The following FHL2 variants were observed in gnomAD, a reference collection of about 807,000 sequenced individuals.
FHL2 encodes four and a half LIM domains 2.
In FHL2, 20 loss-of-function variants were observed where a neutral mutation model predicts 32.7. The observed-to-expected ratio is 0.61, with a 90% CI of 0.43 to 0.89. The LOEUF (loss-of-function observed/expected upper bound fraction) is 0.89. FHL2 is among the 40% of genes least tolerant of loss of function. FHL2 has a pLI of 0.00. For missense variants in FHL2, 311 were observed against 358.6 expected (o/e 0.87, Z 1.07); for synonymous variants, 123 against 128.1 (o/e 0.96, Z 0.27).
At chr2:105,435,832 T>C (rs1384187393) in intron 1 of FHL2, among the ~76,000 whole-genome samples, 1 of 152,018 alleles carries the variant, frequency 6.6e-6, no homozygotes, top group African/African-American at 2.4e-5. Context: ...AAAACATAAA[T>C]AAATAAATAA....
chr2:105,372,604 C>T (rs922887027), intron 4 of FHL2, among the ~76,000 whole-genome samples: 2 of 152,122 alleles, frequency 1.3e-5, no homozygotes, highest in African/African-American at 4.8e-5. Flanking sequence ...AGCAAACCAA[C>T]ATGATGAAAC....
chr2:105,366,393 A>C (rs1271017575), intron 5 of FHL2, among the ~76,000 whole-genome samples: 1 of 152,188 alleles, frequency 6.6e-6, no homozygotes, highest in Non-Finnish European at 1.5e-5. Flanking sequence ...CAAGGGCAAA[A>C]CAGCAGAAGC....
chr2:105,379,969 G>T (rs1681759376), intron 3 of FHL2, among the ~76,000 whole-genome samples: 2 of 152,196 alleles, frequency 1.3e-5, no homozygotes, highest in African/African-American at 4.8e-5. Flanking sequence ...GGGTTTCCCT[G>T]TCACTCTCTG....
chr2:105,414,592 G>GC (rs1399301040), intron 1 of FHL2, among the ~76,000 whole-genome samples: 2 of 152,134 alleles, frequency 1.3e-5, no homozygotes, highest in Non-Finnish European at 2.9e-5. Context: ...TCGCTCTGTC[G>GC]CCCAGGCTGG....
chr2:105,399,364 G>C, upstream of FHL2: 2 of 1,535,974 alleles, frequency 1.3e-6, no homozygotes, highest in Non-Finnish European at 1.7e-6. Flanking sequence ...TGCCCACGCC[G>C]GGATCTCTGC....
intron 3 of FHL2, among the ~76,000 whole-genome samples, chr2:105,380,907 T>C (rs954910685): frequency 6.6e-6 from 1 of 152,228 alleles, no homozygotes; most frequent in Admixed American, 6.5e-5. Context: ...ACACACTTCC[T>C]TTCTGGTTTT....
intron 3 of FHL2, chr2:105,378,395 CCG>C (rs1681635077): frequency 2.9e-6 from 1 of 348,800 alleles, no homozygotes; most frequent in African/African-American, 2.2e-5. Context: ...AAGGTGAAGG[CCG>C]CATTCTCTCA....
At chr2:105,405,783 G>T (rs1369326682) in intron 1 of FHL2, among the ~76,000 whole-genome samples, 1 of 152,238 alleles carries the variant, frequency 6.6e-6, no homozygotes, top group African/African-American at 2.4e-5. Flanking sequence ...TAGGAGGCAG[G>T]GGGTGAACCC....
At chr2:105,385,468 C>A (rs185303509) in intron 3 of FHL2, among the ~76,000 whole-genome samples, 1 of 152,298 alleles carries the variant, frequency 6.6e-6, no homozygotes, top group African/African-American at 2.4e-5. Flanking sequence ...GAGCACAAAG[C>A]AACGAGAGCA....
intron 3 of FHL2, chr2:105,377,636 A>C (rs1681569269): frequency 1.2e-5 from 2 of 168,232 alleles, no homozygotes; most frequent in Non-Finnish European, 2.6e-5. Flanking sequence ...AACTGTCTCC[A>C]AAAGAAAAAA....
At chr2:105,419,882 G>A (rs1684047445) in intron 1 of FHL2, among the ~76,000 whole-genome samples, 1 of 152,130 alleles carries the variant, frequency 6.6e-6, no homozygotes, top group Non-Finnish European at 1.5e-5. Flanking sequence ...AGAAGGTTGA[G>A]GAAAAGTTTT....
intron 1 of FHL2, among the ~76,000 whole-genome samples, chr2:105,419,297 G>T (rs1684028516): frequency 6.6e-6 from 1 of 152,128 alleles, no homozygotes. Context: ...AAATTTGGGT[G>T]CACCCGTCAC....
chr2:105,398,971 G>T lies in FHL2; in HGVS notation c.-205C>A. On this transcript the variant is annotated 5_prime_UTR_variant, in exon 1 of 7. Coordinates refer to ENST00000530340, the MANE Select transcript of FHL2 (RefSeq NM_001318895.3). ...GCGCAGGGGGTTGGAGGTACTCACG[G>T]CACCGCAGCGGGCCGGGGACTCCCG... is the stretch of plus-strand genomic sequence containing the variant. 6.6e-7 allele frequency: 1 copy of T among 1,525,862 alleles called. No individual in the cohort carries two copies. The allele number at this position is 1,525,862 out of a possible 1,614,324, so 94.5% of individuals were successfully genotyped here.
At chr2:105,396,367 G>A (rs1357060866) in intron 2 of FHL2, among the ~76,000 whole-genome samples, 5 of 152,132 alleles carry the variant, frequency 3.3e-5, no homozygotes, top group African/African-American at 9.7e-5. Context: ...CAAGCAGTCC[G>A]GCAGGGGGGC....
At chr2:105,363,231 G>A in intron 6 of FHL2, 54 bp downstream of exon 6, 1 of 1,572,242 alleles carries the variant, frequency 6.4e-7, no homozygotes, top group Non-Finnish European at 8.7e-7. Flanking sequence ...TAAAATGCTA[G>A]GCCTTGTTCA....
At chr2:105,385,870 C>G in intron 3 of FHL2, 1 of 182,176 alleles carries the variant, frequency 5.5e-6, no homozygotes, top group Non-Finnish European at 1.1e-5. Flanking sequence ...CTGTCCTTCT[C>G]TCATTAAAGG....
chr2:105,427,232 C>T (rs1349813643), intron 1 of FHL2, among the ~76,000 whole-genome samples: 1 of 152,188 alleles, frequency 6.6e-6, no homozygotes, highest in Non-Finnish European at 1.5e-5. Context: ...AATATACTGT[C>T]ATGAAAAAAT....
chr2:105,396,908 G>A (rs777370462), intron 1 of FHL2: 52 of 548,894 alleles, frequency 9.5e-5, no homozygotes, highest in Middle Eastern at 4.4e-4. Context: ...GCCGCTTAGC[G>A]ACTCAGGCCC....
At chr2:105,365,386 A>G (rs947539174) in intron 5 of FHL2, among the ~76,000 whole-genome samples, 2 of 152,184 alleles carry the variant, frequency 1.3e-5, no homozygotes, top group African/African-American at 2.4e-5. Flanking sequence ...GTTTTTGTGT[A>G]TTTAATGAAC....
Sources: allele counts gnomAD v4.1 joint callset (sites outside exome capture counted in the v4.1 genomes callset), GRCh38; gene constraint gnomAD v4.1.1; transcripts MANE v1.5; gene names NCBI Gene and HGNC (gene_info 2026-07-23, HGNC 2026-07-21).